The following DOCK4 variants were observed in gnomAD, a reference collection of about 807,000 sequenced individuals.
The protein encoded by DOCK4 is dedicator of cytokinesis 4.
DOCK4 carries 97 observed loss-of-function variants against 268.1 expected under a neutral mutation model. That is an observed-to-expected ratio of 0.36 (90% CI 0.31 to 0.43). The LOEUF (loss-of-function observed/expected upper bound fraction) is 0.43. DOCK4 is among the 20% of genes least tolerant of loss of function. DOCK4 has a pLI of 1.00. For missense variants in DOCK4, 2,145 were observed against 2,455.7 expected (o/e 0.87, Z 2.67); for synonymous variants, 954 against 887.2 (o/e 1.08, Z -1.34).
chr7:111,946,841 C>T (rs1043884475), intron 8 of DOCK4, among the ~76,000 whole-genome samples: 3 of 152,158 alleles, frequency 2.0e-5, no homozygotes, highest in African/African-American at 4.8e-5. Flanking sequence ...TTCGGCCTCC[C>T]GATATGCTGG....
intron 7 of DOCK4, among the ~76,000 whole-genome samples, chr7:111,983,860 G>GCACACACACACACACA (rs375791144): frequency 1.5e-3 from 199 of 128,904 alleles, no homozygotes; most frequent in Admixed American, 2.4e-3. Flanking sequence ...GCGCGCGCGC[G>GCACACACACACACACA]CGCACACACA....
rs1252524241 is a variant in DOCK4, at chr7:112,067,512, A to C, written c.38-63381T>G. Among the ~76,000 whole-genome samples, 3 of 152,178 alleles carry C rather than the reference A, an allele frequency of 2.0e-5. No homozygotes were observed. The South Asian group carries it at 6.2e-4, about 31-fold the overall frequency. ...TTTAAAGGAGTAAAAAATATACTAG[A>C]GAGAAGATGAAGTATTTTACATTCT... is the stretch of plus-strand genomic sequence containing the variant. On this transcript the variant is annotated intron_variant, in intron 1 of 52. Coordinates refer to ENST00000428084, the MANE Select transcript of DOCK4 (RefSeq NM_001363540.2).
intron 26 of DOCK4, among the ~76,000 whole-genome samples, chr7:111,828,935 A>G (rs1586111180): frequency 6.6e-6 from 1 of 151,232 alleles, no homozygotes; most frequent in East Asian, 1.9e-4. Flanking sequence ...AAAATCATCT[A>G]CAAGGTTACA....
chr7:111,895,377 G>T (rs762793027), intron 16 of DOCK4, among the ~76,000 whole-genome samples: 6 of 152,232 alleles, frequency 3.9e-5, no homozygotes, highest in Non-Finnish European at 5.9e-5. Flanking sequence ...CAATACACAG[G>T]TTTACCCAAA....
At chr7:111,892,368 CT>C (rs1055132590) in intron 16 of DOCK4, among the ~76,000 whole-genome samples, 97 of 152,158 alleles carry the variant, frequency 6.4e-4, no homozygotes, top group African/African-American at 2.2e-3. Context: ...GCTGGACTAA[CT>C]TTTTTGATTT....
chr7:112,032,125 T>C (rs1803333555), intron 1 of DOCK4, among the ~76,000 whole-genome samples: 1 of 152,158 alleles, frequency 6.6e-6, no homozygotes, highest in Admixed American at 6.5e-5. Flanking sequence ...GCTTAGAAAA[T>C]TTTGATAGCA....
intron 23 of DOCK4, among the ~76,000 whole-genome samples, chr7:111,862,077 G>A (rs1185669370): frequency 6.6e-6 from 1 of 152,072 alleles, no homozygotes; most frequent in South Asian, 2.1e-4. Context: ...AAGGTGGACG[G>A]ATTGCAAGGT....
At chr7:111,817,665 G>T (rs1801658238) in intron 27 of DOCK4, among the ~76,000 whole-genome samples, 1 of 152,138 alleles carries the variant, frequency 6.6e-6, no homozygotes, top group Non-Finnish European at 1.5e-5. Context: ...CTTGCCCAAG[G>T]ACATTGCTCT....
chr7:111,946,432 C>T (rs1274584371), intron 8 of DOCK4, among the ~76,000 whole-genome samples: 2 of 152,082 alleles, frequency 1.3e-5, no homozygotes, highest in African/African-American at 4.8e-5. Context: ...CGAGGCTAGG[C>T]GTTTGAGGCC....
At chr7:111,729,065 T>C (rs1449678758) in intron 52 of DOCK4, among the ~76,000 whole-genome samples, 1 of 152,104 alleles carries the variant, frequency 6.6e-6, no homozygotes, top group Non-Finnish European at 1.5e-5. Flanking sequence ...CCTGCCAGAA[T>C]TGAGAAAATA....
At position 112,196,154 on chromosome 7, in the gene DOCK4, C is replaced by T. The variant is rs113879573; in HGVS notation, c.37+9948G>A. 5.9e-5 allele frequency among the ~76,000 whole-genome samples: 9 copies of T among 152,302 alleles called. 2 individuals carry two copies. Among genetic ancestry groups the T allele is most frequent in the African/African-American group, 2.2e-4 (9 of 41,576 alleles). On this transcript the variant is annotated intron_variant, in intron 1 of 52. Transcript: ENST00000428084. ...GCAACCTGGATCTCGAACCTCTCTA[C>T]AACGCGAAGGACTGAGCTAAAAATA... is the stretch of plus-strand genomic sequence containing the variant.
At chr7:111,860,189 T>C (rs1805390623) in intron 23 of DOCK4, among the ~76,000 whole-genome samples, 1 of 152,196 alleles carries the variant, frequency 6.6e-6, no homozygotes, top group African/African-American at 2.4e-5. Context: ...ACAACATAAA[T>C]ATGCCCATCA....
intron 1 of DOCK4, among the ~76,000 whole-genome samples, chr7:112,168,335 C>G (rs968103973): frequency 3.9e-5 from 6 of 152,186 alleles, no homozygotes; most frequent in Admixed American, 3.3e-4. Flanking sequence ...TTCACCTGGA[C>G]ATGCTGTTTG....
chr7:111,973,401 T>A (rs1487845419), intron 8 of DOCK4, among the ~76,000 whole-genome samples: 1 of 151,982 alleles, frequency 6.6e-6, no homozygotes, highest in African/African-American at 2.4e-5. Context: ...TTTTGTCCAC[T>A]GATTTTAAAC....
chr7:111,984,229 A>C (rs1250639045), intron 7 of DOCK4, 77 bp downstream of exon 7: 15 of 1,290,682 alleles, frequency 1.2e-5, no homozygotes, highest in Non-Finnish European at 1.6e-5. Context: ...TTCTTACAAA[A>C]TCAAGCAAGT....
chr7:111,860,614 C>T (rs1805429874), intron 23 of DOCK4, among the ~76,000 whole-genome samples: 1 of 152,096 alleles, frequency 6.6e-6, no homozygotes. Context: ...TCTTCCTTTT[C>T]CACGCCACCA....
At chr7:112,106,019 G>A (rs1181740294) in intron 1 of DOCK4, among the ~76,000 whole-genome samples, 1 of 152,166 alleles carries the variant, frequency 6.6e-6, no homozygotes, top group African/African-American at 2.4e-5. Flanking sequence ...CAAGGAATGG[G>A]AAGGCATGTA....
chr7:111,873,725 A>G (rs1806618340), intron 17 of DOCK4, among the ~76,000 whole-genome samples: 1 of 152,200 alleles, frequency 6.6e-6, no homozygotes, highest in African/African-American at 2.4e-5. Flanking sequence ...AAGGAGAAAG[A>G]GAAGCAAGCT....
intron 1 of DOCK4, among the ~76,000 whole-genome samples, chr7:112,109,509 T>C (rs1811437290): frequency 6.6e-6 from 1 of 152,182 alleles, no homozygotes; most frequent in Admixed American, 6.5e-5. Flanking sequence ...TAAATGCAAC[T>C]AGCTTTCATG....
Sources: allele counts gnomAD v4.1 joint callset (sites outside exome capture counted in the v4.1 genomes callset), GRCh38; gene constraint gnomAD v4.1.1; transcripts MANE v1.5; gene names NCBI Gene and HGNC (gene_info 2026-07-23, HGNC 2026-07-21).